The following NAMPT variants were observed in gnomAD, a reference collection of about 807,000 sequenced individuals.
NAMPT encodes NAmPRTase.
A neutral mutation model predicts 58.7 loss-of-function variants in NAMPT; 7 were observed. The observed-to-expected ratio is 0.12, with a 90% CI of 0.07 to 0.22. NAMPT has a LOEUF of 0.22. Among genes scored for constraint, NAMPT ranks in the 10% least tolerant of loss-of-function variants. The pLI, the probability that NAMPT is intolerant of heterozygous loss-of-function variation, is 1.00. For missense variants in NAMPT, 271 were observed against 567.9 expected, an observed-to-expected ratio of 0.48 and a Z score of 5.31; for synonymous variants, 145 against 198.1, an observed-to-expected ratio of 0.73 and a Z score of 2.25.
At chr7:106,256,442 T>C (rs1248809592) in intron 8 of NAMPT, among the ~76,000 whole-genome samples, 1 of 152,204 alleles carries the variant, frequency 6.6e-6, no homozygotes, top group Non-Finnish European at 1.5e-5. Context: ...TTTCATTTTA[T>C]CAAAATTACA....
At chr7:106,267,713 C>A (rs1281540307) in intron 6 of NAMPT, among the ~76,000 whole-genome samples, 1 of 148,678 alleles carries the variant, frequency 6.7e-6, no homozygotes, top group East Asian at 2.0e-4. Context: ...TAGTGGCGGG[C>A]GCCTGTAGTC....
At chr7:106,263,653 C>T in intron 6 of NAMPT, 36 bp from the exon 7 acceptor site, 1 of 1,486,724 alleles carries the variant, frequency 6.7e-7, no homozygotes, top group South Asian at 1.1e-5. Flanking sequence ...TTTACTTAGG[C>T]AGACACTTGA....
intron 1 of NAMPT, among the ~76,000 whole-genome samples, chr7:106,280,156 G>C (rs1792733222): frequency 6.6e-6 from 1 of 152,150 alleles, no homozygotes; most frequent in Admixed American, 6.5e-5. Flanking sequence ...ATTATAGGGT[G>C]ACCAAAGAGT....
At chr7:106,260,963 G>T (rs1274450997) in intron 8 of NAMPT, among the ~76,000 whole-genome samples, 1 of 152,094 alleles carries the variant, frequency 6.6e-6, no homozygotes, top group East Asian at 1.9e-4. Context: ...CTGAAATATT[G>T]TGAGAATTTA....
intron 6 of NAMPT, among the ~76,000 whole-genome samples, chr7:106,266,285 C>CCA (rs1210439224): frequency 3.3e-5 from 5 of 152,116 alleles, no homozygotes; most frequent in African/African-American, 1.2e-4. Flanking sequence ...TATCCCTTGC[C>CCA]CACATACAGT....
intron 4 of NAMPT, among the ~76,000 whole-genome samples, chr7:106,270,047 T>A (rs1485625126): frequency 6.6e-6 from 1 of 152,228 alleles, no homozygotes; most frequent in Non-Finnish European, 1.5e-5. Flanking sequence ...CTGTCTACTT[T>A]GTAATTCAGT....
At chr7:106,257,464 T>TAAAAAAA (rs58198836) in intron 8 of NAMPT, among the ~76,000 whole-genome samples, 1 of 125,698 alleles carries the variant, frequency 8.0e-6, no homozygotes. Flanking sequence ...TACAAAACAT[T>TAAAAAAA]AAAAAAAAAA....
intron 10 of NAMPT, among the ~76,000 whole-genome samples, 165 bp from the exon 11 acceptor site, chr7:106,251,358 T>C (rs1453276081): frequency 6.6e-6 from 1 of 152,096 alleles, no homozygotes; most frequent in Non-Finnish European, 1.5e-5. Context: ...CAAGGTACTA[T>C]CTAAAATGGC....
intron 4 of NAMPT, 126 bp downstream of exon 4, chr7:106,272,404 G>T: frequency 3.9e-6 from 3 of 761,370 alleles, no homozygotes; most frequent in Non-Finnish European, 6.0e-6. Flanking sequence ...GGAAATTGAA[G>T]CCTGGAAAGG....
At chr7:106,285,482 C>G (rs1402667183), upstream of NAMPT, 3 of 940,458 alleles carry the variant, frequency 3.2e-6, no homozygotes, top group Non-Finnish European at 3.8e-6. Context: ...CGCCACCCGG[C>G]TAGGGGGCGA....
At chr7:106,270,300 A>AAAAAGAGCTGCTAAGATGATGCAAT in intron 4 of NAMPT, 1 of 424,766 alleles carries the variant, frequency 2.4e-6, no homozygotes, top group Non-Finnish European at 5.0e-6. Context: ...AATCTGTTTG[A>AAAAAGAGCTGCTAAGATGATGCAAT]AAAAGAGCTG....
intron 8 of NAMPT, among the ~76,000 whole-genome samples, chr7:106,258,520 C>A (rs945275030): frequency 3.3e-5 from 5 of 152,096 alleles, no homozygotes; most frequent in African/African-American, 1.2e-4. Flanking sequence ...GAAATTATGG[C>A]CCTTAAGAAC....
chr7:106,277,623 AG>A (rs1273237046), intron 1 of NAMPT, among the ~76,000 whole-genome samples: 5 of 152,198 alleles, frequency 3.3e-5, no homozygotes, highest in African/African-American at 1.2e-4. Context: ...TTGTACAATG[AG>A]GTACTGAGGA....
intron 6 of NAMPT, among the ~76,000 whole-genome samples, chr7:106,265,038 CTCT>C (rs1275733500): frequency 6.6e-6 from 1 of 152,146 alleles, no homozygotes; most frequent in African/African-American, 2.4e-5. Flanking sequence ...TTAGTGAACA[CTCT>C]TCTTAACAGC....
rs934740286 is a variant in NAMPT, at chr7:106,249,036, C to T, written c.*2047G>A. ...GAGAATACTGTCTGTACTATAATTT[C>T]AATGTTTAAACACAAAATTATGGGT... On this transcript the variant is annotated 3_prime_UTR_variant, in exon 11 of 11. Coordinates refer to ENST00000222553, the MANE Select transcript of NAMPT (RefSeq NM_005746.3). 2 of 152,038 alleles carry T rather than the reference C, an allele frequency of 1.3e-5. No homozygotes were observed. The highest frequency in any genetic ancestry group is 4.8e-5 in the African/African-American group (2 of 41,404). The allele number at this position is 152,038 out of a possible 1,614,324, so 9.4% of individuals were successfully genotyped here.
chr7:106,264,141 C>T (rs1170673103), intron 6 of NAMPT, among the ~76,000 whole-genome samples: 1 of 151,846 alleles, frequency 6.6e-6, no homozygotes, highest in Non-Finnish European at 1.5e-5. Flanking sequence ...TATACTATAC[C>T]ATACATACAT....
At chr7:106,285,644 G>A, upstream of NAMPT, 1 of 982,656 alleles carries the variant, frequency 1.0e-6, no homozygotes, top group South Asian at 4.7e-5. Context: ...GCTGCGGTGA[G>A]GAGTGAGGCT....
intron 8 of NAMPT, among the ~76,000 whole-genome samples, chr7:106,256,294 A>C (rs913451469): frequency 6.6e-6 from 1 of 152,252 alleles, no homozygotes; most frequent in Non-Finnish European, 1.5e-5. Flanking sequence ...ATTTTGGTAC[A>C]CAGTGCAAAG....
intron 8 of NAMPT, among the ~76,000 whole-genome samples, chr7:106,259,810 C>A (rs1237987464): frequency 1.3e-5 from 2 of 151,310 alleles, no homozygotes; most frequent in African/African-American, 4.8e-5. Context: ...GCATGAAAAA[C>A]AACATTAACC....
Sources: gnomAD v4.1 joint callset for allele counts (sites outside exome capture counted in the v4.1 genomes callset) on GRCh38, gnomAD v4.1.1 for gene constraint, MANE v1.5 for transcripts, NCBI Gene and HGNC (gene_info 2026-07-23, HGNC 2026-07-21) for gene names.